WFDC1: variants seen among roughly 807,000 people sequenced by gnomAD.
WFDC1 encodes the protein WAP four-disulfide core domain protein 1.
WFDC1 carries 39 observed loss-of-function variants against 32.9 expected under a neutral mutation model. The observed-to-expected ratio is 1.19, with a 90% CI of 0.92 to 1.55. The LOEUF (loss-of-function observed/expected upper bound fraction) is 1.55. Among genes scored for constraint, WFDC1 ranks in the 40% most tolerant of loss-of-function variants. WFDC1 has a pLI of 0.00. For missense variants in WFDC1, 386 were observed against 309.5 expected, an observed-to-expected ratio of 1.25 and a Z score of -1.85; for synonymous variants, 184 against 137.4, an observed-to-expected ratio of 1.34 and a Z score of -2.37.
At chr16:84,303,546 C>T (rs556384816) in intron 1 of WFDC1, among the ~76,000 whole-genome samples, 3 of 152,070 alleles carry the variant, frequency 2.0e-5, no homozygotes, top group Admixed American at 2.0e-4. Context: ...ATTCTTCCTC[C>T]AAGATGTAAA....
Position 84,321,542 on chromosome 16 carries a change from C to T in WFDC1, c.562+1971C>T, listed in dbSNP as rs150576817. 2.0e-5 allele frequency among the ~76,000 whole-genome samples: 3 copies of T among 152,246 alleles called. No homozygotes were observed. In the East Asian group the frequency reaches 5.8e-4, roughly 29 times the overall value. ...GCCTTGGGCACTTGTCTTTTTCATC[C>T]CCTGATCTTTTCATTCAGCCCTATG... On this transcript the variant is annotated intron_variant, in intron 4 of 6. Coordinates refer to ENST00000219454, the MANE Select transcript of WFDC1 (RefSeq NM_021197.4).
At chr16:84,298,384 C>A (rs867449337) in intron 1 of WFDC1, among the ~76,000 whole-genome samples, 7 of 152,080 alleles carry the variant, frequency 4.6e-5, no homozygotes, top group African/African-American at 1.7e-4. Context: ...TGTGAGCCAC[C>A]GCACCCAGCC....
At chr16:84,329,052 C>G (rs1029332481) in intron 6 of WFDC1, 1 of 152,098 alleles carries the variant, frequency 6.6e-6, no homozygotes, top group Non-Finnish European at 1.5e-5. Context: ...CTCTCCAAGC[C>G]TCAGCCTCCT....
At position 84,313,038 on chromosome 16, in the gene WFDC1, C is replaced by G; in HGVS notation, c.222C>G (p.Pro74=). Residue 74 remains proline, a synonymous_variant, in exon 2 of 7, where the codon CCC becomes CCG. Transcript: ENST00000219454. The stretch of plus-strand genomic sequence containing the variant: ...GCCCGCCGCCTCCGCGGACGCTGCC[C>G]CCCGGCGCCTGCCAGGCCGCGCGCT... The part of the protein sequence containing the change: ...DRCPPPPRTL[P]PGACQAARCQ... 7.3e-7 allele frequency: 1 copy of G among 1,365,400 alleles called. No homozygotes were observed. Among genetic ancestry groups the G allele is most frequent in the Non-Finnish European group, 9.4e-7 (1 of 1,060,606 alleles). The allele number at this position is 1,365,400 out of a possible 1,614,324, so 84.6% of individuals were successfully genotyped here. A position where few individuals can be genotyped will look rare whatever the true frequency, so the allele number is the denominator to read the frequency against.
intron 3 of WFDC1, 188 bp from the exon 4 acceptor site, chr16:84,319,243 C>T: frequency 6.1e-6 from 4 of 653,350 alleles, no homozygotes; most frequent in South Asian, 4.1e-5. Flanking sequence ...TGTGGGTGTG[C>T]ACGTGTGCCA....
Position 84,324,596 on chromosome 16 carries a change from T to C in WFDC1, c.604+136T>C, listed in dbSNP as rs1259596038. On this transcript the variant is annotated intron_variant, in intron 5 of 6. Coordinates refer to ENST00000219454, the MANE Select transcript of WFDC1 (RefSeq NM_021197.4). ...TGGGACCTGGGATTAAGAAACAAAA[T>C]AGAAGACCTGTGGTCTGATGGTGGG... 1.7e-5 allele frequency: 16 copies of C among 959,058 alleles called. 1 individual carries two copies. Among genetic ancestry groups the C allele is most frequent in the Middle Eastern group, 3.3e-4 (1 of 3,044 alleles). 59.4% of individuals were successfully genotyped at this position (959,058 alleles called of 1,614,324 possible). A position where few individuals can be genotyped will look rare whatever the true frequency, so the allele number is the denominator to read the frequency against.
chr16:84,313,322 G>A (rs1417595691), intron 2 of WFDC1, among the ~76,000 whole-genome samples, 169 bp downstream of exon 2: 1 of 152,220 alleles, frequency 6.6e-6, no homozygotes. Flanking sequence ...GAGCAGGCGT[G>A]GCGCTGCTGT....
At chr16:84,308,058 A>G (rs980167382) in intron 1 of WFDC1, among the ~76,000 whole-genome samples, 3 of 152,208 alleles carry the variant, frequency 2.0e-5, no homozygotes, top group Admixed American at 6.5e-5. Flanking sequence ...ACTTTTCGTG[A>G]ATTTAACAGC....
At chr16:84,301,836 T>A (rs184922337) in intron 1 of WFDC1, among the ~76,000 whole-genome samples, 274 of 152,314 alleles carry the variant, frequency 1.8e-3, no homozygotes, top group Admixed American at 4.0e-3. Flanking sequence ...ATTCCTCATC[T>A]GAGGTCCCAG....
intron 1 of WFDC1, among the ~76,000 whole-genome samples, chr16:84,303,309 C>T (rs1907058287): frequency 6.6e-6 from 1 of 152,146 alleles, no homozygotes; most frequent in African/African-American, 2.4e-5. Context: ...GCTGCTGGAA[C>T]TTTCCAAAGA....
intron 3 of WFDC1, 185 bp from the exon 4 acceptor site, chr16:84,319,246 G>A (rs1305856605): frequency 1.8e-5 from 12 of 674,264 alleles, no homozygotes; most frequent in South Asian, 6.1e-5. Context: ...GGGTGTGCAC[G>A]TGTGCCACAT....
intron 3 of WFDC1, 161 bp from the exon 4 acceptor site, chr16:84,319,270 A>G (rs889229230): frequency 2.2e-6 from 2 of 909,024 alleles, no homozygotes; most frequent in Non-Finnish European, 3.2e-6. Context: ...GCTGAGTGAG[A>G]CCCAGGGCCT....
intron 2 of WFDC1, 165 bp from the exon 3 acceptor site, chr16:84,318,107 G>A (rs113500841): frequency 1.3e-5 from 8 of 638,024 alleles, no homozygotes; most frequent in South Asian, 1.8e-5. Context: ...CACAGTGAAA[G>A]GTTCTATCAC....
intron 5 of WFDC1, chr16:84,326,412 T>G: frequency 6.2e-6 from 1 of 162,350 alleles, no homozygotes; most frequent in Non-Finnish European, 1.4e-5. Context: ...AAGCAGAAAA[T>G]TCAGACATGA....
intron 5 of WFDC1, chr16:84,326,308 A>T (rs1231339990): frequency 6.5e-6 from 1 of 152,714 alleles, no homozygotes; most frequent in South Asian, 2.1e-4. Context: ...TACAGCACAT[A>T]TTTTCTAAGT....
At chr16:84,313,315 C>A (rs936393720) in intron 2 of WFDC1, among the ~76,000 whole-genome samples, 162 bp downstream of exon 2, 24 of 152,334 alleles carry the variant, frequency 1.6e-4, no homozygotes, top group African/African-American at 5.3e-4. Context: ...GCTCCTTGAG[C>A]AGGCGTGGCG....
intron 4 of WFDC1, among the ~76,000 whole-genome samples, chr16:84,322,785 T>C (rs143764096): frequency 0.014 from 2,067 of 151,738 alleles, 23 homozygotes; most frequent in Middle Eastern, 0.031. Flanking sequence ...TTTCAGAGAG[T>C]GGGTTCAGGG....
At chr16:84,314,467 G>A (rs1305593631) in intron 2 of WFDC1, among the ~76,000 whole-genome samples, 1 of 152,130 alleles carries the variant, frequency 6.6e-6, no homozygotes, top group Non-Finnish European at 1.5e-5. Flanking sequence ...GTTCCCATGG[G>A]CCTTAATTAG....
At chr16:84,298,836 C>A (rs1351106743) in intron 1 of WFDC1, among the ~76,000 whole-genome samples, 2 of 152,190 alleles carry the variant, frequency 1.3e-5, no homozygotes, top group Non-Finnish European at 2.9e-5. Flanking sequence ...CCGTGGGAGG[C>A]CCTTAGGAGA....
Sources: allele counts gnomAD v4.1 joint callset (sites outside exome capture counted in the v4.1 genomes callset), GRCh38; gene constraint gnomAD v4.1.1; transcripts MANE v1.5; gene names NCBI Gene and HGNC (gene_info 2026-07-23, HGNC 2026-07-21).